Variants in ALMS1 observed in about 807,000 individuals in gnomAD.
ALMS1 encodes the protein centrosome-associated protein ALMS1.
Under a neutral mutation model 352.2 loss-of-function variants are expected in ALMS1, and 271 were observed. The ratio of observed to expected loss-of-function variants is 0.77; its 90% CI spans 0.70 to 0.85. ALMS1 has a LOEUF of 0.85. ALMS1 is among the 40% of genes least tolerant of loss of function. The pLI, the probability that ALMS1 is intolerant of heterozygous loss-of-function variation, is 0.00. For synonymous variants in ALMS1, 1,865 were observed against 1,761.2 expected (o/e 1.06, Z -1.48); for missense variants, 5,445 against 4,870.7 (o/e 1.12, Z -3.51).
In ALMS1 at chr2:73,453,560, C is replaced by A. The variant is rs776611154; in HGVS notation, c.7033C>A (p.Arg2345=). 2 of 1,613,632 alleles carry A rather than the reference C, an allele frequency of 1.2e-6. No homozygotes were observed. The highest frequency in any genetic ancestry group is 4.5e-5 in the East Asian group (2 of 44,838). ...TGGCACACAGACGAATTTGAAATGC[C>A]GGAGAGGCATTGAAAATTGGGAGTT... ...DIGTQTNLKC[R]RGIENWEFIS... Residue 2345 remains arginine, a synonymous_variant, in exon 8 of 23, where the codon CGG becomes AGG. Transcript: ENST00000613296.
intron 1 of ALMS1, among the ~76,000 whole-genome samples, chr2:73,402,142 G>A (rs115660623): frequency 0.035 from 5,391 of 151,930 alleles, 309 homozygotes; most frequent in African/African-American, 0.12. Flanking sequence ...ATGCTGCAGT[G>A]AACATGGGAG....
intron 4 of ALMS1, among the ~76,000 whole-genome samples, chr2:73,423,320 A>G (rs1020542965): frequency 6.6e-6 from 1 of 152,188 alleles, no homozygotes; most frequent in Admixed American, 6.5e-5. Flanking sequence ...CTTATTCTGC[A>G]AAAAGCATTT....
chr2:73,516,891 C>T (rs1258680526), intron 10 of ALMS1, among the ~76,000 whole-genome samples: 1 of 152,090 alleles, frequency 6.6e-6, no homozygotes, highest in Non-Finnish European at 1.5e-5. Context: ...ATTAAGCCCC[C>T]TGCCTTAAGC....
chr2:73,537,075 A>G (rs1040898274), intron 12 of ALMS1, among the ~76,000 whole-genome samples: 2 of 152,180 alleles, frequency 1.3e-5, no homozygotes, highest in Non-Finnish European at 2.9e-5. Flanking sequence ...ATTCCACACA[A>G]AAGGCTTATC....
intron 11 of ALMS1, among the ~76,000 whole-genome samples, chr2:73,528,505 C>T (rs1057247412): frequency 6.6e-6 from 1 of 152,082 alleles, no homozygotes; most frequent in Non-Finnish European, 1.5e-5. Context: ...TAATTTTTGT[C>T]TTAAAGTCTA....
At chr2:73,474,421 A>G (rs1428832333) in intron 9 of ALMS1, among the ~76,000 whole-genome samples, 1 of 121,248 alleles carries the variant, frequency 8.2e-6, no homozygotes, top group Non-Finnish European at 1.7e-5. Flanking sequence ...CTATTGGTTT[A>G]CATGACGGTG....
At chr2:73,473,209 G>A (rs763727720) in intron 9 of ALMS1, among the ~76,000 whole-genome samples, 10 of 152,014 alleles carry the variant, frequency 6.6e-5, no homozygotes, top group Non-Finnish European at 1.3e-4. Flanking sequence ...GCCTGGCTTA[G>A]TGTTGATGGA....
intron 9 of ALMS1, among the ~76,000 whole-genome samples, chr2:73,474,684 A>AC (rs1301624320): frequency 6.6e-6 from 1 of 152,084 alleles, no homozygotes; most frequent in Non-Finnish European, 1.5e-5. Context: ...ATAACCTGAT[A>AC]AAACTCATGT....
chr2:73,421,756 A>G (rs1331687668), intron 3 of ALMS1, among the ~76,000 whole-genome samples: 1 of 152,110 alleles, frequency 6.6e-6, no homozygotes, highest in African/African-American at 2.4e-5. Flanking sequence ...CAGTGACAGT[A>G]TGTGTTTTGA....
chr2:73,410,929 G>A (rs926067048), intron 2 of ALMS1, among the ~76,000 whole-genome samples: 1 of 152,012 alleles, frequency 6.6e-6, no homozygotes, highest in Admixed American at 6.6e-5. Context: ...AGATATGGAG[G>A]AAGGGAGATA....
At position 73,455,502 on chromosome 2, in the gene ALMS1, C is replaced by T. The variant is rs542794593; in HGVS notation, c.7674+207C>T. ...CACTGCAGCCCTGAACTCTTAGACT[C>T]AAGGAATCCTCCCACCTCAGCCTCT... On this transcript the variant is annotated intron_variant, in intron 9 of 22. Coordinates refer to ENST00000613296, the MANE Select transcript of ALMS1 (RefSeq NM_001378454.1). Among the ~76,000 whole-genome samples the T allele has an allele frequency of 2.0e-5, 3 of 152,306 alleles. No individual in the cohort carries two copies. In the East Asian group the frequency reaches 5.8e-4, roughly 29 times the overall value.
At chr2:73,471,368 C>T (rs1352931210) in intron 9 of ALMS1, among the ~76,000 whole-genome samples, 1 of 150,492 alleles carries the variant, frequency 6.6e-6, no homozygotes, top group Non-Finnish European at 1.5e-5. Flanking sequence ...AGCTTTTGCA[C>T]AGCAAAGAAA....
chr2:73,460,164 C>T (rs1397991540), intron 9 of ALMS1, among the ~76,000 whole-genome samples: 2 of 152,142 alleles, frequency 1.3e-5, no homozygotes. Context: ...AGCCCCACTG[C>T]TCTTCATGCC....
chr2:73,396,576 G>A (rs1267249258), intron 1 of ALMS1, among the ~76,000 whole-genome samples: 3 of 120,360 alleles, frequency 2.5e-5, no homozygotes, highest in African/African-American at 1.1e-4. Context: ...TTTTTTGCAG[G>A]ATGGGGCATA....
At chr2:73,446,180 C>G (rs1010365988) in intron 7 of ALMS1, among the ~76,000 whole-genome samples, 1 of 152,030 alleles carries the variant, frequency 6.6e-6, no homozygotes, top group Non-Finnish European at 1.5e-5. Context: ...TTCCTTTACC[C>G]CTGAGGTTAA....
At chr2:73,579,661 C>G (rs898659173) in intron 16 of ALMS1, among the ~76,000 whole-genome samples, 1 of 152,154 alleles carries the variant, frequency 6.6e-6, no homozygotes, top group Admixed American at 6.6e-5. Context: ...AGGTAGATTT[C>G]TTGTCTTACA....
At chr2:73,488,297 G>A (rs1007606591) in intron 9 of ALMS1, among the ~76,000 whole-genome samples, 3 of 152,250 alleles carry the variant, frequency 2.0e-5, no homozygotes, top group African/African-American at 7.2e-5. Context: ...GGCGGCAGGG[G>A]GCTGGTGTGA....
chr2:73,532,254 A>G (rs1274776777), intron 11 of ALMS1, among the ~76,000 whole-genome samples: 1 of 152,144 alleles, frequency 6.6e-6, no homozygotes, highest in South Asian at 2.1e-4. Flanking sequence ...GATACTGCCT[A>G]TGTTTGTTCA....
chr2:73,424,507 C>T lies in ALMS1; in HGVS notation c.842C>T (p.Thr281Ile), dbSNP rs1279627291. The change falls in exon 5 of 23, where the codon ACT becomes ATT. Residue 281 changes from threonine (T) to isoleucine (I), a missense_variant. Thr to Ile is a moderately conservative substitution (Grantham distance 89, BLOSUM62 -1). Transcript: ENST00000613296. ...GTTAGTGAAGCTTTATTCCAGGCTA[C>T]TGCAGAAGTAGCTTCAGACTTAGCA... is the stretch of plus-strand genomic sequence containing the variant. ...SEVSEALFQA[T>I]AEVASDLASS... is the part of the protein sequence containing the mutation. 6.2e-7 allele frequency: 1 copy of T among 1,609,432 alleles called. No homozygotes were observed.
Sources: gnomAD v4.1 joint callset for allele counts (sites outside exome capture counted in the v4.1 genomes callset) on GRCh38, gnomAD v4.1.1 for gene constraint, MANE v1.5 for transcripts, NCBI Gene and HGNC (gene_info 2026-07-23, HGNC 2026-07-21) for gene names.